MAN1A2: variants seen among roughly 807,000 people sequenced by gnomAD.
MAN1A2 encodes the protein mannosidase alpha class 1A member 2, also known as mannosyl-oligosaccharide 1,2-alpha-mannosidase IB.
A neutral mutation model predicts 75.7 loss-of-function variants in MAN1A2; 26 were observed. That is an observed-to-expected ratio of 0.34 (90% confidence interval 0.25 to 0.48). The LOEUF is 0.48. MAN1A2 is among the 20% of genes least tolerant of loss of function. MAN1A2 has a pLI of 0.99. For synonymous variants in MAN1A2, 247 were observed against 264.6 expected (o/e 0.93, Z 0.65); for missense variants, 562 against 775.5 (o/e 0.72, Z 3.27).
chr1:117,412,646 A>G (rs1647860813), intron 3 of MAN1A2, among the ~76,000 whole-genome samples: 1 of 151,812 alleles, frequency 6.6e-6, no homozygotes, highest in African/African-American at 2.4e-5. Flanking sequence ...CTCATACTAA[A>G]TTTTTATGAT....
At chr1:117,480,620 T>C (rs1013157226) in intron 8 of MAN1A2, among the ~76,000 whole-genome samples, 16 of 151,942 alleles carry the variant, frequency 1.1e-4, no homozygotes, top group African/African-American at 3.9e-4. Context: ...TACCCCATGC[T>C]GCCTCATTTT....
intron 5 of MAN1A2, among the ~76,000 whole-genome samples, chr1:117,428,226 C>A (rs1449157986): frequency 1.3e-5 from 2 of 151,680 alleles, no homozygotes; most frequent in Non-Finnish European, 2.9e-5. Context: ...GTGATCCTTG[C>A]ACCTCAGCTT....
At chr1:117,475,012 A>G (rs10923312) in intron 8 of MAN1A2, among the ~76,000 whole-genome samples, 1 of 151,980 alleles carries the variant, frequency 6.6e-6, no homozygotes, top group East Asian at 1.9e-4. Context: ...TGTTGTGTAT[A>G]TCAGTAGTTC....
chr1:117,476,033 C>G (rs1215778146), intron 8 of MAN1A2, among the ~76,000 whole-genome samples: 1 of 152,056 alleles, frequency 6.6e-6, no homozygotes, highest in African/African-American at 2.4e-5. Flanking sequence ...TCTGTTGTTT[C>G]CTGACTTTTT....
At chr1:117,515,588 A>C (rs1433934101) in intron 12 of MAN1A2, 2 of 152,230 alleles carry the variant, frequency 1.3e-5, no homozygotes, top group African/African-American at 2.4e-5. Context: ...TTAAAAAAAC[A>C]CTAAAGAAAC....
intron 1 of MAN1A2, among the ~76,000 whole-genome samples, chr1:117,390,551 C>T (rs142613790): frequency 6.6e-6 from 1 of 151,948 alleles, no homozygotes; most frequent in East Asian, 1.9e-4. Context: ...TTATTGATCT[C>T]AAATAACTAG....
chr1:117,419,202 G>A (rs1159209601), intron 4 of MAN1A2, among the ~76,000 whole-genome samples: 1 of 152,048 alleles, frequency 6.6e-6, no homozygotes. Flanking sequence ...GGCATCGTAG[G>A]GGTTTGCACA....
intron 12 of MAN1A2, 97 bp downstream of exon 12, chr1:117,503,067 ATT>A (rs1157742964): frequency 8.4e-6 from 5 of 595,834 alleles, no homozygotes; most frequent in Non-Finnish European, 1.4e-5. Context: ...GTTACACTAA[ATT>A]TTGTTGTAAA....
At chr1:117,374,331 A>G (rs528675110) in intron 1 of MAN1A2, among the ~76,000 whole-genome samples, 4 of 152,172 alleles carry the variant, frequency 2.6e-5, no homozygotes, top group Admixed American at 2.0e-4. Flanking sequence ...CTGACTCCAC[A>G]TATTTCTTGG....
At chr1:117,476,475 G>T (rs539077489) in intron 8 of MAN1A2, among the ~76,000 whole-genome samples, 2 of 152,126 alleles carry the variant, frequency 1.3e-5, no homozygotes, top group Admixed American at 1.3e-4. Context: ...TTCTTCTAGG[G>T]TTTTTATGGT....
chr1:117,506,855 A>C (rs979209121), intron 12 of MAN1A2, among the ~76,000 whole-genome samples: 13 of 151,572 alleles, frequency 8.6e-5, no homozygotes, highest in East Asian at 1.9e-4. Flanking sequence ...TAGAATTGAC[A>C]AACCTGAATA....
At chr1:117,403,631 T>C (rs924606078) in intron 2 of MAN1A2, among the ~76,000 whole-genome samples, 2 of 152,224 alleles carry the variant, frequency 1.3e-5, no homozygotes, top group Non-Finnish European at 2.9e-5. Flanking sequence ...TTTTATCCTG[T>C]TATTTTACTG....
At chr1:117,494,886 CACAAT>C (rs1650989802) in intron 9 of MAN1A2, 1 of 151,766 alleles carries the variant, frequency 6.6e-6, no homozygotes, top group Admixed American at 6.6e-5. Context: ...CAGCACCTAG[CACAAT>C]ACTTGAAACA....
chr1:117,406,365 G>C (rs1647613684), intron 3 of MAN1A2, among the ~76,000 whole-genome samples: 1 of 152,118 alleles, frequency 6.6e-6, no homozygotes, highest in South Asian at 2.1e-4. Context: ...AGTAATGATA[G>C]ATGAAGGCAA....
chr1:117,479,290 G>C (rs1650418111), intron 8 of MAN1A2, among the ~76,000 whole-genome samples: 1 of 151,882 alleles, frequency 6.6e-6, no homozygotes, highest in African/African-American at 2.4e-5. Context: ...TCCTTTTTAT[G>C]GCTGAATAGT....
chr1:117,368,205 C>T lies in MAN1A2; in HGVS notation c.22C>T (p.Pro8Ser). MTTPALL[P>S]LSGRRIPPLN... ...AACGATGACTACCCCAGCCCTGCTGCCCCTCTCTGGACGTAGGATACCACC... is the reference window on the plus strand; with the variant it reads ...AACGATGACTACCCCAGCCCTGCTGTCCCTCTCTGGACGTAGGATACCACC... The change falls in exon 1 of 13, where the codon CCC (proline) becomes TCC (serine). Residue 8 changes from proline to serine, a missense_variant. By Grantham distance (74) the Pro-to-Ser change is moderately conservative. Transcript: ENST00000356554. The T allele has an allele frequency of 6.2e-7, 1 of 1,613,278 alleles. No homozygotes were observed. Among genetic ancestry groups the T allele is most frequent in the Non-Finnish European group, 8.5e-7 (1 of 1,179,712 alleles).
intron 12 of MAN1A2, among the ~76,000 whole-genome samples, chr1:117,503,929 C>T (rs1651276369): frequency 6.6e-6 from 1 of 151,400 alleles, no homozygotes; most frequent in Non-Finnish European, 1.5e-5. Flanking sequence ...TTAGCTTATA[C>T]ATTATAGAAT....
chr1:117,380,955 A>G (rs1389348285), intron 1 of MAN1A2, among the ~76,000 whole-genome samples: 1 of 152,112 alleles, frequency 6.6e-6, no homozygotes, highest in Admixed American at 6.5e-5. Flanking sequence ...TTTTGGTATT[A>G]TTATCATCTT....
intron 6 of MAN1A2, among the ~76,000 whole-genome samples, chr1:117,457,424 A>G (rs905487079): frequency 6.6e-6 from 1 of 152,108 alleles, no homozygotes; most frequent in East Asian, 1.9e-4. Context: ...TCATCATTTT[A>G]TAGTTGGAAA....
Sources: allele counts gnomAD v4.1 joint callset (sites outside exome capture counted in the v4.1 genomes callset), GRCh38; gene constraint gnomAD v4.1.1; transcripts MANE v1.5; gene names NCBI Gene and HGNC (gene_info 2026-07-23, HGNC 2026-07-21).